Variants in EYS observed in about 807,000 individuals in gnomAD.
EYS encodes the protein protein eyes shut homolog.
A neutral mutation model predicts 282.1 loss-of-function variants in EYS; 250 were observed. The observed-to-expected ratio is 0.89, with a 90% CI of 0.80 to 0.98. EYS has a LOEUF of 0.98. EYS is among the 50% of genes least tolerant of loss of function. The pLI, the probability that EYS is intolerant of heterozygous loss-of-function variation, is 0.00. For missense variants in EYS, 4,016 were observed against 3,709.0 expected (o/e 1.08, Z -2.15); for synonymous variants, 1,355 against 1,282.9 (o/e 1.06, Z -1.20).
chr6:64,055,048 T>C (rs1290992805), intron 33 of EYS, among the ~76,000 whole-genome samples: 1 of 152,142 alleles, frequency 6.6e-6, no homozygotes, highest in Non-Finnish European at 1.5e-5. Context: ...CTTACTGTAG[T>C]ACAGATGAGA....
At chr6:63,786,696 T>TA (rs570420411) in intron 39 of EYS, among the ~76,000 whole-genome samples, 3,899 of 144,796 alleles carry the variant, frequency 0.027, 61 homozygotes, top group African/African-American at 0.049. Flanking sequence ...AACTTAAAGT[T>TA]AAAAAAAAAA....
intron 35 of EYS, among the ~76,000 whole-genome samples, chr6:63,874,391 A>G (rs149765683): frequency 0.12 from 17,814 of 152,146 alleles, 1,265 homozygotes; most frequent in African/African-American, 0.19. Context: ...TGTTTTTGTT[A>G]CCATAGCCTT....
chr6:63,879,299 G>A (rs1276424161), intron 35 of EYS, among the ~76,000 whole-genome samples: 2 of 152,092 alleles, frequency 1.3e-5, no homozygotes, highest in Non-Finnish European at 2.9e-5. Flanking sequence ...GTAGGAATAA[G>A]TTATCAATAT....
At chr6:65,655,959 C>T (rs951199663) in intron 1 of EYS, among the ~76,000 whole-genome samples, 2 of 151,814 alleles carry the variant, frequency 1.3e-5, no homozygotes, top group African/African-American at 2.4e-5. Context: ...ACACCATGTG[C>T]TCACTTCGTG....
chr6:64,212,066 A>C (rs913698013), intron 31 of EYS, among the ~76,000 whole-genome samples: 2 of 152,100 alleles, frequency 1.3e-5, no homozygotes, highest in Admixed American at 6.6e-5. Context: ...CAGTGAGCCA[A>C]GGTCGCACCA....
intron 24 of EYS, among the ~76,000 whole-genome samples, chr6:64,612,851 T>C (rs913350361): frequency 2.6e-5 from 4 of 152,056 alleles, no homozygotes; most frequent in Non-Finnish European, 4.4e-5. Flanking sequence ...AGTGAAACTT[T>C]TAAAGTAGCT....
rs1325208908 is a variant in EYS, at chr6:64,945,288, A to T, written c.2381+505T>A. Among the ~76,000 whole-genome samples the T allele has an allele frequency of 2.0e-5, 3 of 152,134 alleles. No individual in the cohort carries two copies. The East Asian group carries it at 5.8e-4, about 30-fold the overall frequency. On this transcript the variant is annotated intron_variant, in intron 15 of 42. Coordinates refer to ENST00000503581, the MANE Select transcript of EYS (RefSeq NM_001142800.2). ...ACACCTACTCAGAATTTCTATTTGG[A>T]GTTTCTTCAGAATTCTCATCTAAGA...
intron 29 of EYS, among the ~76,000 whole-genome samples, chr6:64,321,542 G>A (rs964685988): frequency 1.3e-5 from 2 of 151,770 alleles, no homozygotes; most frequent in Non-Finnish European, 2.9e-5. Flanking sequence ...GGGCCATAAA[G>A]GAGAAAACAG....
At chr6:64,922,713 A>G (rs1768387827) in intron 15 of EYS, among the ~76,000 whole-genome samples, 1 of 152,026 alleles carries the variant, frequency 6.6e-6, no homozygotes, top group South Asian at 2.1e-4. Flanking sequence ...TTGACCCAAC[A>G]TCCCTTTAAA....
intron 32 of EYS, among the ~76,000 whole-genome samples, chr6:64,078,682 CA>C (rs1437029868): frequency 2.6e-5 from 4 of 151,978 alleles, no homozygotes; most frequent in African/African-American, 9.7e-5. Context: ...AAGACAAGGG[CA>C]GAAATGGATA....
At chr6:65,184,876 A>T (rs1234386089) in intron 12 of EYS, among the ~76,000 whole-genome samples, 3 of 151,688 alleles carry the variant, frequency 2.0e-5, no homozygotes, top group Non-Finnish European at 4.4e-5. Flanking sequence ...AATATGATAA[A>T]ACGTTTGGAT....
intron 12 of EYS, among the ~76,000 whole-genome samples, chr6:65,146,965 T>C (rs895293395): frequency 6.6e-6 from 1 of 152,054 alleles, no homozygotes; most frequent in Non-Finnish European, 1.5e-5. Flanking sequence ...CTCATTGTCA[T>C]TGTGTCCTGT....
chr6:63,801,324 T>TC (rs1330210418), intron 37 of EYS, among the ~76,000 whole-genome samples: 2 of 152,102 alleles, frequency 1.3e-5, no homozygotes, highest in Admixed American at 1.3e-4. Context: ...ATCTTGTGTT[T>TC]CATAGAACAT....
intron 35 of EYS, among the ~76,000 whole-genome samples, chr6:63,978,277 G>T (rs2128355): frequency 1.3e-5 from 2 of 151,682 alleles, no homozygotes; most frequent in Non-Finnish European, 2.9e-5. Flanking sequence ...AGCTTTCCCC[G>T]CCACCTGTTT....
chr6:64,821,369 T>C (rs1764892127), intron 21 of EYS, among the ~76,000 whole-genome samples: 1 of 151,926 alleles, frequency 6.6e-6, no homozygotes, highest in Non-Finnish European at 1.5e-5. Flanking sequence ...TAATGGATAC[T>C]TCTAGGATTT....
At chr6:64,361,739 C>T (rs1772016210) in intron 29 of EYS, among the ~76,000 whole-genome samples, 1 of 151,692 alleles carries the variant, frequency 6.6e-6, no homozygotes, top group South Asian at 2.1e-4. Context: ...CACATACACA[C>T]TTACATACAC....
At chr6:64,004,987 C>T (rs1009602202) in intron 33 of EYS, among the ~76,000 whole-genome samples, 6 of 152,102 alleles carry the variant, frequency 3.9e-5, no homozygotes, top group South Asian at 2.1e-4. Flanking sequence ...TCCAATAATG[C>T]GATTACTGGG....
chr6:64,618,546 AC>A (rs1159458850), intron 23 of EYS, among the ~76,000 whole-genome samples: 1 of 152,204 alleles, frequency 6.6e-6, no homozygotes, highest in Admixed American at 6.5e-5. Flanking sequence ...TATTGTTTAT[AC>A]TTAGGAAGAT....
rs1582983288 is a variant in EYS, at chr6:64,637,476, G to A, written c.3444-11231C>T. Among the ~76,000 whole-genome samples, 3 of 86,030 alleles carry A rather than the reference G, an allele frequency of 3.5e-5. No individual in the cohort carries two copies. In the East Asian group the frequency reaches 7.7e-4, roughly 22 times the overall value. The allele number at this position is 86,030 out of a possible 152,430, so 56.4% of individuals were successfully genotyped here. On this transcript the variant is annotated intron_variant, in intron 22 of 42. Transcript: ENST00000503581. ...GGGGAGGGGGGAGGGACAGCATTAGGAGATATACCTAATGTTAAATGACGA... is the reference window on the plus strand; with the variant it reads ...GGGGAGGGGGGAGGGACAGCATTAGAAGATATACCTAATGTTAAATGACGA...
Sources: gnomAD v4.1 joint callset for allele counts (sites outside exome capture counted in the v4.1 genomes callset) on GRCh38, gnomAD v4.1.1 for gene constraint, MANE v1.5 for transcripts, NCBI Gene and HGNC (gene_info 2026-07-23, HGNC 2026-07-21) for gene names.